The following PTPN12 variants were observed in gnomAD, a reference collection of about 807,000 sequenced individuals.
PTPN12 encodes the protein tyrosine-protein phosphatase non-receptor type 12.
In PTPN12, 29 loss-of-function variants were observed where a neutral mutation model predicts 97.6. That is an observed-to-expected ratio of 0.30 (90% confidence interval 0.22 to 0.41). The LOEUF is 0.41. PTPN12 is among the 10% of genes least tolerant of loss of function. PTPN12 has a pLI of 1.00. For synonymous variants in PTPN12, 327 were observed against 300.4 expected (o/e 1.09, Z -0.91); for missense variants, 819 against 926.0 (o/e 0.88, Z 1.50).
chr7:77,564,054 T>C (rs1283247875), intron 1 of PTPN12: 1 of 260,986 alleles, frequency 3.8e-6, no homozygotes, highest in Non-Finnish European at 7.9e-6. Context: ...ATTTTTGTAT[T>C]TTTTGGTAGA....
chr7:77,635,876 T>G (rs766516317), intron 15 of PTPN12, 27 bp downstream of exon 15: 1 of 1,498,550 alleles, frequency 6.7e-7, no homozygotes, highest in Non-Finnish European at 9.1e-7. Flanking sequence ...TTGGAACAGT[T>G]ATAGCTTAAC....
chr7:77,558,706 A>G (rs894393506), intron 1 of PTPN12, among the ~76,000 whole-genome samples: 3 of 152,216 alleles, frequency 2.0e-5, no homozygotes, highest in African/African-American at 4.8e-5. Context: ...AGAGTGGTTC[A>G]CTGTGCCCAA....
chr7:77,572,544 GTTGT>G (rs1787181094), intron 2 of PTPN12, among the ~76,000 whole-genome samples: 1 of 82,632 alleles, frequency 1.2e-5, no homozygotes, highest in South Asian at 3.9e-4. Context: ...TCATCCTTTT[GTTGT>G]TCTACATTAT....
At position 77,572,632 on chromosome 7, in the gene PTPN12, G is replaced by A. The variant is rs1216003293; in HGVS notation, c.208+1446G>A. On this transcript the variant is annotated intron_variant, in intron 2 of 17. Transcript: ENST00000248594. ...TGGCAACATAACATAATGGTATAGT[G>A]TTCTGATTCTGGAAGTTGAAATCCT... 2.6e-5 allele frequency among the ~76,000 whole-genome samples: 4 copies of A among 152,100 alleles called. No individual in the cohort carries two copies. In the East Asian group the frequency reaches 5.8e-4, roughly 22 times the overall value.
chr7:77,629,059 C>A (rs983171982), intron 13 of PTPN12, among the ~76,000 whole-genome samples: 3 of 152,132 alleles, frequency 2.0e-5, no homozygotes, highest in African/African-American at 7.2e-5. Flanking sequence ...AAGGAATTCT[C>A]CTGCCTCATC....
intron 2 of PTPN12, among the ~76,000 whole-genome samples, chr7:77,573,602 G>A (rs546780019): frequency 6.6e-6 from 1 of 152,146 alleles, no homozygotes; most frequent in Admixed American, 6.5e-5. Context: ...CTCAGAATAG[G>A]GGATGACATG....
chr7:77,578,758 T>C (rs1787416225), intron 2 of PTPN12, among the ~76,000 whole-genome samples: 1 of 152,202 alleles, frequency 6.6e-6, no homozygotes, highest in South Asian at 2.1e-4. Flanking sequence ...ATAATAATAA[T>C]GGCATTTTAC....
chr7:77,549,634 G>A (rs1385163155), intron 1 of PTPN12, among the ~76,000 whole-genome samples: 1 of 151,198 alleles, frequency 6.6e-6, no homozygotes, highest in Non-Finnish European at 1.5e-5. Flanking sequence ...AGGCTGGAGT[G>A]CAGTGGTGTA....
chr7:77,629,243 C>G (rs534723330), intron 13 of PTPN12, among the ~76,000 whole-genome samples: 38 of 152,274 alleles, frequency 2.5e-4, no homozygotes, highest in African/African-American at 8.7e-4. Context: ...GCCACCACGC[C>G]CAGCCAGGTG....
Position 77,635,779 on chromosome 7 carries a change from C to T in PTPN12, c.2075-3C>T, listed in dbSNP as rs1303915453. ...AATAACAATAAGATTTCATTTTTCT[C>T]AGATACACCTGTAAGATCGGAATGG... On this transcript the variant is annotated splice_polypyrimidine_tract_variant and splice_region_variant and intron_variant, in intron 14 of 17. Transcript: ENST00000248594. 1 of 1,582,242 alleles carries T rather than the reference C, an allele frequency of 6.3e-7. No homozygotes were observed. The highest frequency in any genetic ancestry group is 8.6e-7 in the Non-Finnish European group (1 of 1,165,982).
chr7:77,584,702 C>G (rs1372045648), intron 4 of PTPN12, among the ~76,000 whole-genome samples: 2 of 151,952 alleles, frequency 1.3e-5, no homozygotes, highest in African/African-American at 4.8e-5. Flanking sequence ...ACGGTGAAAC[C>G]CTGTCTCTAC....
chr7:77,537,376 C>T lies in PTPN12; in HGVS notation c.-171C>T. Reference sequence around the variant, plus strand: ...GTGGTGTCGGGAGCCCAGCCGGTGCCGCCGCAGCCGCCGCCTAGGGCGGTG... The same window carrying T: ...GTGGTGTCGGGAGCCCAGCCGGTGCTGCCGCAGCCGCCGCCTAGGGCGGTG... On this transcript the variant is annotated 5_prime_UTR_variant, in exon 1 of 18. Coordinates refer to ENST00000248594, the MANE Select transcript of PTPN12 (RefSeq NM_002835.4). 3.1e-6 allele frequency: 3 copies of T among 958,938 alleles called. No homozygotes were observed. The highest frequency in any genetic ancestry group is 4.3e-6 in the Non-Finnish European group (3 of 704,274). 59.4% of individuals were successfully genotyped at this position (958,938 alleles called of 1,614,324 possible). A position where few individuals can be genotyped will look rare whatever the true frequency, so the allele number is the denominator to read the frequency against.
chr7:77,547,700 A>G (rs1584090742), intron 1 of PTPN12, among the ~76,000 whole-genome samples: 1 of 152,378 alleles, frequency 6.6e-6, no homozygotes, highest in South Asian at 2.1e-4. Context: ...GAGAGACAGG[A>G]GAGCCTAAAT....
intron 1 of PTPN12, among the ~76,000 whole-genome samples, chr7:77,548,177 A>T (rs1807309583): frequency 6.6e-6 from 1 of 152,208 alleles, no homozygotes; most frequent in Non-Finnish European, 1.5e-5. Context: ...TCTCATTGGC[A>T]TCTATCAGAT....
chr7:77,600,492 A>G (rs994834504), intron 7 of PTPN12, among the ~76,000 whole-genome samples, 172 bp from the exon 8 acceptor site: 4 of 152,122 alleles, frequency 2.6e-5, no homozygotes, highest in Admixed American at 1.3e-4. Flanking sequence ...GCCCTTAGGT[A>G]TTTGGCATGT....
At chr7:77,627,764 T>C in intron 13 of PTPN12, 89 bp downstream of exon 13, 1 of 1,288,552 alleles carries the variant, frequency 7.8e-7, no homozygotes, top group Non-Finnish European at 1.0e-6. Context: ...TATTATGTTT[T>C]ATTCCACACT....
At chr7:77,540,239 C>CTTTTT (rs71688645) in intron 1 of PTPN12, among the ~76,000 whole-genome samples, 1 of 143,816 alleles carries the variant, frequency 7.0e-6, no homozygotes. Context: ...TTCTTTCTTT[C>CTTTTT]TTTCTTTTTT....
intron 14 of PTPN12, among the ~76,000 whole-genome samples, chr7:77,635,385 C>T (rs898249484): frequency 4.6e-5 from 7 of 152,240 alleles, no homozygotes; most frequent in South Asian, 2.1e-4. Flanking sequence ...GCCGAGATCG[C>T]GCCTGGTCAA....
In PTPN12 at chr7:77,537,489, G is replaced by C; in HGVS notation, c.-58G>C. 3 of 1,509,008 alleles carry C rather than the reference G, an allele frequency of 2.0e-6. No individual in the cohort carries two copies. The highest frequency in any genetic ancestry group is 1.8e-6 in the Non-Finnish European group (2 of 1,128,438). The allele number at this position is 1,509,008 out of a possible 1,614,324, so 93.5% of individuals were successfully genotyped here. A position where few individuals can be genotyped will look rare whatever the true frequency, so the allele number is the denominator to read the frequency against. On this transcript the variant is annotated 5_prime_UTR_variant, in exon 1 of 18. Coordinates refer to ENST00000248594, the MANE Select transcript of PTPN12 (RefSeq NM_002835.4). ...AGCTGGGGAAGACGGAGCGGGCTCT[G>C]TGCCGGGCGGGCGGGCGGCGGGGGG...
Sources: gnomAD v4.1 joint callset for allele counts (sites outside exome capture counted in the v4.1 genomes callset) on GRCh38, gnomAD v4.1.1 for gene constraint, MANE v1.5 for transcripts, NCBI Gene and HGNC (gene_info 2026-07-23, HGNC 2026-07-21) for gene names.